The following KLF12 variants were observed in gnomAD, a reference collection of about 807,000 sequenced individuals.
The protein encoded by KLF12 is KLF transcription factor 12.
A neutral mutation model predicts 37.8 loss-of-function variants in KLF12; 9 were observed. That is an observed-to-expected ratio of 0.24 (90% CI 0.14 to 0.42). The LOEUF is 0.42. KLF12 is among the 10% of genes least tolerant of loss of function. The pLI is 1.00. For missense variants in KLF12, 411 were observed against 516.0 expected (o/e 0.80, Z 1.97); for synonymous variants, 208 against 202.1 (o/e 1.03, Z -0.25).
intron 2 of KLF12, among the ~76,000 whole-genome samples, chr13:73,981,188 T>C (rs1821550310): frequency 6.6e-6 from 1 of 152,084 alleles, no homozygotes; most frequent in African/African-American, 2.4e-5. Flanking sequence ...AAAAAACTAT[T>C]GCAACTACAT....
At chr13:74,274,197 G>T in the KLF12 span, among the ~76,000 whole-genome samples, 1 of 151,874 alleles carries the variant, frequency 6.6e-6, no homozygotes, top group Non-Finnish European at 1.5e-5. Context: ...TCCCTATGTT[G>T]AAGCTTAAGC....
intron 6 of KLF12, among the ~76,000 whole-genome samples, chr13:73,758,183 G>A (rs916211088): frequency 5.3e-5 from 8 of 152,012 alleles, no homozygotes; most frequent in South Asian, 2.1e-4. Context: ...TACAGGAACC[G>A]GTCTACTGCA....
chr13:73,699,765 C>T lies in KLF12; in HGVS notation c.1028-4094G>A, dbSNP rs559239918. ...ATGTTTGGAACTGTTTCTAAGATGGCTATTTTAAAGGCAGAAGCAGCAGGG... is the reference window on the plus strand; with the variant it reads ...ATGTTTGGAACTGTTTCTAAGATGGTTATTTTAAAGGCAGAAGCAGCAGGG... On this transcript the variant is annotated intron_variant, in intron 7 of 7. Transcript: ENST00000377669. Among the ~76,000 whole-genome samples, 90 of 152,254 alleles carry T rather than the reference C, an allele frequency of 5.9e-4. 1 individual carries two copies. The highest frequency in any genetic ancestry group is 9.6e-4 in the Non-Finnish European group (65 of 68,016).
At position 73,957,106 on chromosome 13, in the gene KLF12, A is replaced by AAAGGAAAGGAAAGGAAAGGAAAGG. The variant is rs1566481773; in HGVS notation, c.34-13037_34-13036insCCTTTCCTTTCCTTTCCTTTCCTT. Among the ~76,000 whole-genome samples the AAAGGAAAGGAAAGGAAAGGAAAGG allele has an allele frequency of 1.5e-3, 202 of 133,972 alleles. 12 individuals carry two copies. Among genetic ancestry groups the AAAGGAAAGGAAAGGAAAGGAAAGG allele is most frequent in the Admixed American group, 6.5e-3 (84 of 13,008 alleles). The allele number at this position is 133,972 out of a possible 152,430, so 87.9% of individuals were successfully genotyped here. A position where few individuals can be genotyped will look rare whatever the true frequency, so the allele number is the denominator to read the frequency against. On this transcript the variant is annotated intron_variant, in intron 2 of 7. Coordinates refer to ENST00000377669, the MANE Select transcript of KLF12 (RefSeq NM_007249.5). ...GAAAGGAAAGGAAAGGAAAGGAAAGAAAGGAAAAGAAAGAAAAGGAAAGGA... is the reference window on the plus strand; with the variant it reads ...GAAAGGAAAGGAAAGGAAAGGAAAGAAAGGAAAGGAAAGGAAAGGAAAGGAAGGAAAAGAAAGAAAAGGAAAGGA...
chr13:73,993,454 A>T (rs1892026481), intron 2 of KLF12, among the ~76,000 whole-genome samples: 1 of 152,230 alleles, frequency 6.6e-6, no homozygotes, highest in Non-Finnish European at 1.5e-5. Context: ...ACAGAACATG[A>T]CACTGCCAAA....
chr13:73,812,054 T>C (rs1293528151), intron 5 of KLF12, among the ~76,000 whole-genome samples: 2 of 152,160 alleles, frequency 1.3e-5, no homozygotes, highest in Non-Finnish European at 2.9e-5. Flanking sequence ...AACTGTTCAT[T>C]AACAAGTATG....
intron 3 of KLF12, among the ~76,000 whole-genome samples, chr13:73,861,893 T>C (rs1362291367): frequency 6.6e-6 from 1 of 152,194 alleles, no homozygotes; most frequent in African/African-American, 2.4e-5. Flanking sequence ...GCAAGGAGTG[T>C]GTGTGACAGA....
chr13:74,225,946 T>C, the KLF12 span, among the ~76,000 whole-genome samples: 5 of 152,138 alleles, frequency 3.3e-5, no homozygotes, highest in Non-Finnish European at 7.4e-5. Context: ...ATAAAGTCAA[T>C]GCGACTGAAG....
At chr13:73,941,738 T>G (rs996313337) in intron 3 of KLF12, among the ~76,000 whole-genome samples, 2 of 152,154 alleles carry the variant, frequency 1.3e-5, no homozygotes, top group African/African-American at 4.8e-5. Flanking sequence ...TAGAGTTAAA[T>G]CATTATACAT....
the KLF12 span, among the ~76,000 whole-genome samples, chr13:74,181,506 C>T: frequency 2.5e-4 from 37 of 150,524 alleles, no homozygotes; most frequent in East Asian, 6.0e-4. Flanking sequence ...AGGGTGAAAC[C>T]CTGTCTCTAC....
intron 5 of KLF12, chr13:73,802,234 C>G (rs1188610714): frequency 2.0e-5 from 3 of 151,842 alleles, no homozygotes; most frequent in African/African-American, 7.3e-5. Context: ...CAAGAAGATT[C>G]ATGCACAAAA....
intron 1 of KLF12, among the ~76,000 whole-genome samples, chr13:74,034,023 T>C (rs1244233707): frequency 6.6e-6 from 1 of 152,010 alleles, no homozygotes; most frequent in Non-Finnish European, 1.5e-5. Context: ...CATCAACTCA[T>C]CTGTTTACTG....
At chr13:74,290,888 T>G in the KLF12 span, among the ~76,000 whole-genome samples, 38 of 152,352 alleles carry the variant, frequency 2.5e-4, no homozygotes, top group African/African-American at 8.7e-4. Context: ...GAAAAGTCTG[T>G]TTTTTGTTAA....
At chr13:73,769,874 T>C (rs895441346) in intron 5 of KLF12, among the ~76,000 whole-genome samples, 2 of 151,500 alleles carry the variant, frequency 1.3e-5, no homozygotes, top group Admixed American at 1.3e-4. Context: ...TAAATGATTA[T>C]TCCACAGACC....
chr13:74,079,901 A>G (rs1040807093), intron 1 of KLF12, among the ~76,000 whole-genome samples: 1 of 152,222 alleles, frequency 6.6e-6, no homozygotes, highest in Non-Finnish European at 1.5e-5. Flanking sequence ...AAGGATTAAA[A>G]GCAGGGTCCC....
chr13:74,278,377 G>A, the KLF12 span, among the ~76,000 whole-genome samples: 7 of 152,160 alleles, frequency 4.6e-5, no homozygotes, highest in Non-Finnish European at 5.9e-5. Flanking sequence ...AAACTGTCAT[G>A]TGTTCATCAC....
chr13:74,008,810 G>C (rs1892478111), intron 1 of KLF12, among the ~76,000 whole-genome samples: 1 of 152,212 alleles, frequency 6.6e-6, no homozygotes, highest in Admixed American at 6.5e-5. Flanking sequence ...TTTGAGTTCT[G>C]ACTCTGCACT....
At chr13:74,037,096 C>T (rs907976308) in intron 1 of KLF12, among the ~76,000 whole-genome samples, 4 of 150,600 alleles carry the variant, frequency 2.7e-5, no homozygotes, top group Admixed American at 2.0e-4. Context: ...CTCAGCTATT[C>T]GGGAGGCTGA....
rs1047749653 is a variant in KLF12 at position 73,688,127 on chromosome 13, C to T, written c.*7363G>A. The T allele has an allele frequency of 6.6e-6, 1 of 152,584 alleles. No homozygotes were observed. The highest frequency in any genetic ancestry group is 2.4e-5 in the African/African-American group (1 of 41,426). The allele number at this position is 152,584 out of a possible 1,614,324, so 9.5% of individuals were successfully genotyped here. A position where few individuals can be genotyped will look rare whatever the true frequency, so the allele number is the denominator to read the frequency against. On this transcript the variant is annotated 3_prime_UTR_variant, in exon 8 of 8. Transcript: ENST00000377669. Reference sequence around the variant, plus strand: ...AGATTCATTTTCAGAAACAGAAACACTATGAGAAATGACATTCTCTTAATG... The same window carrying T: ...AGATTCATTTTCAGAAACAGAAACATTATGAGAAATGACATTCTCTTAATG...
Sources: allele counts gnomAD v4.1 joint callset (sites outside exome capture counted in the v4.1 genomes callset), GRCh38; gene constraint gnomAD v4.1.1; transcripts MANE v1.5; gene names NCBI Gene and HGNC (gene_info 2026-07-23, HGNC 2026-07-21).